MGST1: variants seen among roughly 807,000 people sequenced by gnomAD.
MGST1 encodes the protein glutathione S-transferase 12.
In MGST1, 5 loss-of-function variants were observed where a neutral mutation model predicts 8.9. The observed-to-expected ratio is 0.56, with a 90% CI of 0.29 to 1.19. MGST1 has a LOEUF of 1.19. Ranked by LOEUF, MGST1 falls within the 50% of genes most tolerant of loss-of-function variation. MGST1 has a pLI of 0.08. For missense variants in MGST1, 182 were observed against 187.4 expected, an observed-to-expected ratio of 0.97 and a Z score of 0.17; for synonymous variants, 54 against 67.8, an observed-to-expected ratio of 0.80 and a Z score of 1.00.
At chr12:16,393,791 T>C (rs530652439) in intron 1 of MGST1, among the ~76,000 whole-genome samples, 2 of 152,346 alleles carry the variant, frequency 1.3e-5, no homozygotes, top group Non-Finnish European at 2.9e-5. Context: ...ACACCAGGAA[T>C]GTATTTAAAC....
At chr12:16,545,449 T>G (rs1941818007) in intron 4 of MGST1, among the ~76,000 whole-genome samples, 1 of 152,046 alleles carries the variant, frequency 6.6e-6, no homozygotes, top group South Asian at 2.1e-4. Context: ...GGCCTTTAAT[T>G]TTTTTCATCT....
chr12:16,348,827 A>T (rs1315488085), intron 1 of MGST1: 2 of 149,528 alleles, frequency 1.3e-5, no homozygotes, highest in African/African-American at 4.9e-5. Flanking sequence ...AAAAAGGCAA[A>T]TCAGTCCAAA....
intron 4 of MGST1, among the ~76,000 whole-genome samples, chr12:16,479,530 G>A (rs1412536623): frequency 1.1e-5 from 1 of 92,540 alleles, no homozygotes; most frequent in Non-Finnish European, 2.2e-5. Context: ...CACTGCGCCC[G>A]GCCTCTTTTT....
intron 4 of MGST1, chr12:16,549,641 CAAAGAA>C (rs1347338603): frequency 2.0e-5 from 3 of 151,866 alleles, no homozygotes; most frequent in Non-Finnish European, 4.4e-5. Context: ...AAGAAAAAAA[CAAAGAA>C]AAAGAAAACC....
rs201728563 is a variant in MGST1, at chr12:16,497,304, T to A, written n.483-92224T>A. ...AGAAACAGAAGACTCATGGAACAAA[T>A]AATAGTTCTTTTTAATCATGGAAAT... On this transcript the variant is annotated intron_variant and non_coding_transcript_variant, in intron 4 of 4. Coordinates refer to the MGST1 transcript ENST00000538857. The surrounding 1 kb of genome is among the most constrained non-coding windows in gnomAD (Gnocchi z 4.4). Among the ~76,000 whole-genome samples, 4 of 152,074 alleles carry A rather than the reference T, an allele frequency of 2.6e-5. No individual in the cohort carries two copies. The East Asian group carries it at 5.8e-4, about 22-fold the overall frequency.
At chr12:16,494,829 A>C (rs1214065405) in intron 4 of MGST1, among the ~76,000 whole-genome samples, 1 of 152,158 alleles carries the variant, frequency 6.6e-6, no homozygotes. Context: ...AGAAAGCCAG[A>C]TTGTTCTTGG....
At chr12:16,551,934 A>C (rs1397584084) in intron 4 of MGST1, among the ~76,000 whole-genome samples, 1 of 151,968 alleles carries the variant, frequency 6.6e-6, no homozygotes, top group Non-Finnish European at 1.5e-5. Flanking sequence ...TGTTTGTGGC[A>C]AGTTCACCAA....
At chr12:16,539,419 A>G (rs1340028436) in intron 4 of MGST1, among the ~76,000 whole-genome samples, 1 of 152,198 alleles carries the variant, frequency 6.6e-6, no homozygotes, top group Admixed American at 6.5e-5. Context: ...CTTTTAAATT[A>G]TAAATACTTG....
chr12:16,560,435 C>A lies in MGST1; in HGVS notation n.483-29093C>A. The A allele has an allele frequency of 6.2e-7, 1 of 1,613,674 alleles. No homozygotes were observed. Among genetic ancestry groups the A allele is most frequent in the Non-Finnish European group, 8.5e-7 (1 of 1,179,770 alleles). On this transcript the variant is annotated intron_variant and non_coding_transcript_variant, in intron 4 of 4. Coordinates refer to the MGST1 transcript ENST00000538857. The surrounding 1 kb of genome is among the most constrained non-coding windows in gnomAD (Gnocchi z 5.0). ...TACCTCTGATTACAAAGCTGACATGCAAAGCAGTCCAGGTGGTAAACATTG... is the reference window on the plus strand; with the variant it reads ...TACCTCTGATTACAAAGCTGACATGAAAAGCAGTCCAGGTGGTAAACATTG...
At chr12:16,469,148 A>T (rs895328652) in intron 4 of MGST1, among the ~76,000 whole-genome samples, 10 of 150,346 alleles carry the variant, frequency 6.7e-5, no homozygotes, top group Non-Finnish European at 1.3e-4. Context: ...CTAGCACTAT[A>T]ACTGACATAA....
intron 4 of MGST1, among the ~76,000 whole-genome samples, chr12:16,534,674 T>A (rs1357657774): frequency 1.3e-5 from 2 of 152,096 alleles, no homozygotes; most frequent in African/African-American, 4.8e-5. Flanking sequence ...GGGCTTTGGG[T>A]TTTTATTTTT....
At chr12:16,455,265 G>A (rs887982822) in intron 4 of MGST1, among the ~76,000 whole-genome samples, 6 of 151,850 alleles carry the variant, frequency 4.0e-5, no homozygotes, top group African/African-American at 1.4e-4. Context: ...AGGCAACACT[G>A]CATTAAATTC....
In MGST1 at chr12:16,537,306, C is replaced by T. The variant is rs1401636567; in HGVS notation, n.483-52222C>T. 1.3e-5 allele frequency among the ~76,000 whole-genome samples: 2 copies of T among 152,232 alleles called. No homozygotes were observed. Among genetic ancestry groups the T allele is most frequent in the Non-Finnish European group, 2.9e-5 (2 of 68,050 alleles). ...GGTAGGTTCCCATAGTCTTGGGCAA[C>T]TCCACCCCTATGGCTTTGCAGGGTA... On this transcript the variant is annotated intron_variant and non_coding_transcript_variant, in intron 4 of 4. Coordinates refer to the MGST1 transcript ENST00000538857. The surrounding 1 kb of genome is among the most constrained non-coding windows in gnomAD (Gnocchi z 4.6).
intron 4 of MGST1, among the ~76,000 whole-genome samples, chr12:16,494,557 T>A (rs574488960): frequency 6.6e-6 from 1 of 152,170 alleles, no homozygotes; most frequent in Non-Finnish European, 1.5e-5. Flanking sequence ...AAATGTTTAA[T>A]TAACATTTAG....
chr12:16,379,802 T>C (rs930036788), downstream of MGST1, among the ~76,000 whole-genome samples: 4 of 152,352 alleles, frequency 2.6e-5, no homozygotes, highest in East Asian at 7.7e-4. Context: ...TGGTAAGCTA[T>C]TGATTATTGC....
chr12:16,352,249 A>T (rs1414230165), intron 1 of MGST1, among the ~76,000 whole-genome samples: 1 of 152,246 alleles, frequency 6.6e-6, no homozygotes, highest in Non-Finnish European at 1.5e-5. Context: ...GTATATATGT[A>T]TGTGGTTTTT....
intron 1 of MGST1, among the ~76,000 whole-genome samples, chr12:16,432,150 A>G (rs1437979553): frequency 7.2e-5 from 11 of 152,134 alleles, no homozygotes; most frequent in Admixed American, 7.2e-4. Flanking sequence ...TCTTAGATGT[A>G]TCAGATCCCT....
In MGST1 at chr12:16,360,269, C is replaced by CT. The variant is rs4646413; in HGVS notation, c.221+2580dup. 4,719 of 659,706 alleles carry CT rather than the reference C, an allele frequency of 7.2e-3. 3 individuals carry two copies. The highest frequency in any genetic ancestry group is 0.044 in the East Asian group (340 of 7,740). 40.9% of individuals were successfully genotyped at this position (659,706 alleles called of 1,614,324 possible). A position where few individuals can be genotyped will look rare whatever the true frequency, so the allele number is the denominator to read the frequency against. ...CTTCCCTTTCCATTTTTAAGTTAGA[C>CT]TTTTTTTTTTCACCTCTCTCGTTAC... On this transcript the variant is annotated intron_variant, in intron 3 of 3. Transcript: ENST00000396210.
At chr12:16,419,773 G>A (rs766745860) in intron 1 of MGST1, among the ~76,000 whole-genome samples, 12 of 152,228 alleles carry the variant, frequency 7.9e-5, no homozygotes, top group South Asian at 2.1e-4. Flanking sequence ...TTTGATGGCC[G>A]TAATCTTTGC....
Sources: allele counts gnomAD v4.1 joint callset (sites outside exome capture counted in the v4.1 genomes callset), GRCh38; gene constraint gnomAD v4.1.1; non-coding constraint Gnocchi (gnomAD v3.1); transcripts MANE v1.5; gene names NCBI Gene and HGNC (gene_info 2026-07-23, HGNC 2026-07-21).